Variants in DPH6 observed in about 807,000 individuals in gnomAD.
The protein encoded by DPH6 is diphthamine biosynthesis 6.
Under a neutral mutation model 38.2 loss-of-function variants are expected in DPH6, and 33 were observed. The observed-to-expected ratio is 0.86, with a 90% confidence interval of 0.65 to 1.15. The LOEUF (loss-of-function observed/expected upper bound fraction) is 1.15, where lower values mean the gene tolerates loss of function less well. DPH6 is among the 50% of genes most tolerant of loss of function. The pLI is 0.00. For missense variants in DPH6, 325 were observed against 320.0 expected (o/e 1.02, Z -0.12); for synonymous variants, 108 against 103.0 (o/e 1.05, Z -0.30).
intron 3 of DPH6, among the ~76,000 whole-genome samples, chr15:35,534,764 TG>T (rs558124440): frequency 4.9e-4 from 75 of 152,330 alleles, no homozygotes; most frequent in Non-Finnish European, 9.7e-4. Flanking sequence ...AAACAACTAG[TG>T]GAAGAACCAT....
chr15:35,496,445 C>T (rs1019795118), intron 3 of DPH6, among the ~76,000 whole-genome samples: 13 of 149,970 alleles, frequency 8.7e-5, no homozygotes, highest in African/African-American at 3.2e-4. Flanking sequence ...ATCCCAGCTA[C>T]TTGGGAGGTT....
chr15:35,389,272 A>C (rs1335937228), intron 6 of DPH6, among the ~76,000 whole-genome samples: 1 of 152,230 alleles, frequency 6.6e-6, no homozygotes, highest in Non-Finnish European at 1.5e-5. Context: ...TATGTGGTCA[A>C]TTTTGGAATA....
At chr15:35,207,823 G>C in the DPH6 span, among the ~76,000 whole-genome samples, 1 of 152,170 alleles carries the variant, frequency 6.6e-6, no homozygotes. Context: ...ACTGTAAGTA[G>C]TGCCTAACTT....
chr15:35,214,661 G>A (rs932298951), downstream of DPH6, among the ~76,000 whole-genome samples: 1 of 152,092 alleles, frequency 6.6e-6, no homozygotes, highest in Non-Finnish European at 1.5e-5. Context: ...AAGCTGGAGT[G>A]CAGCGGCACG....
At chr15:35,177,862 A>G in the DPH6 span, among the ~76,000 whole-genome samples, 1 of 152,048 alleles carries the variant, frequency 6.6e-6, no homozygotes, top group Admixed American at 6.6e-5. Context: ...GAATTGCTTG[A>G]ACCTGGGAGG....
At chr15:35,268,212 TAAATAAAA>T (rs1465672864) in intron 3 of DPH6, among the ~76,000 whole-genome samples, 64 of 128,394 alleles carry the variant, frequency 5.0e-4, no homozygotes, top group African/African-American at 1.8e-3. Flanking sequence ...AATAAATAAA[TAAATAAAA>T]GAAAACTGAA....
At chr15:35,222,066 G>A (rs1387474214) in intron 3 of DPH6, among the ~76,000 whole-genome samples, 1 of 152,058 alleles carries the variant, frequency 6.6e-6, no homozygotes, top group Non-Finnish European at 1.5e-5. Context: ...TCATTTCTGA[G>A]AGTTCATTAG....
chr15:35,529,952 G>T (rs1299620116), intron 3 of DPH6, among the ~76,000 whole-genome samples: 2 of 150,938 alleles, frequency 1.3e-5, no homozygotes, highest in Admixed American at 1.3e-4. Flanking sequence ...CATTTTTTTT[G>T]ACGATTTAAT....
chr15:35,304,564 T>A (rs867804137), intron 3 of DPH6, among the ~76,000 whole-genome samples: 33 of 152,068 alleles, frequency 2.2e-4, no homozygotes, highest in Admixed American at 5.9e-4. Flanking sequence ...TGGTAAAAAA[T>A]ATTTGAAATG....
intron 3 of DPH6, among the ~76,000 whole-genome samples, chr15:35,226,226 T>C (rs1000751435): frequency 6.6e-6 from 1 of 152,228 alleles, no homozygotes; most frequent in Non-Finnish European, 1.5e-5. Flanking sequence ...TTCTGCAATC[T>C]GGAACAGGCA....
chr15:35,366,959 G>C (rs1311270822), downstream of DPH6, among the ~76,000 whole-genome samples: 2 of 151,842 alleles, frequency 1.3e-5, no homozygotes, highest in Admixed American at 1.3e-4. Context: ...CTGGATTGAA[G>C]AGAAAAATAA....
At chr15:35,156,208 T>C in the DPH6 span, among the ~76,000 whole-genome samples, 13 of 152,218 alleles carry the variant, frequency 8.5e-5, no homozygotes, top group African/African-American at 3.1e-4. Context: ...TGAAGTTTTA[T>C]ATTTGTTTTT....
At chr15:35,287,686 TA>T (rs1033692417) in intron 3 of DPH6, among the ~76,000 whole-genome samples, 2 of 152,192 alleles carry the variant, frequency 1.3e-5, no homozygotes, top group Admixed American at 6.5e-5. Flanking sequence ...CACAAGTGAT[TA>T]TTTTTTTCAT....
chr15:35,278,200 C>T (rs1475437696), intron 3 of DPH6, among the ~76,000 whole-genome samples: 1 of 152,206 alleles, frequency 6.6e-6, no homozygotes, highest in Non-Finnish European at 1.5e-5. Flanking sequence ...GCCAAGGACA[C>T]TGCTGCCCTG....
the DPH6 span, among the ~76,000 whole-genome samples, chr15:35,173,212 C>T: frequency 6.6e-6 from 1 of 152,112 alleles, no homozygotes; most frequent in African/African-American, 2.4e-5. Context: ...ACCTTCCTTA[C>T]CAAACATATC....
chr15:35,431,652 T>C (rs2053633533), intron 5 of DPH6, among the ~76,000 whole-genome samples: 1 of 151,978 alleles, frequency 6.6e-6, no homozygotes, highest in African/African-American at 2.4e-5. Context: ...AAGGAATCCA[T>C]AAGAAAGAAA....
rs1416847164 is a variant in DPH6 at position 35,240,546 on chromosome 15, G to A, written n.201-19964C>T. 7.0e-5 allele frequency among the ~76,000 whole-genome samples: 10 copies of A among 143,270 alleles called. 2 individuals carry two copies. Among genetic ancestry groups the A allele is most frequent in the Non-Finnish European group, 1.5e-4 (10 of 65,490 alleles). The allele number at this position is 143,270 out of a possible 152,430, so 94.0% of individuals were successfully genotyped here. ...CGCCTCCCCTCCTCACACCTGGTCT[G>A]GCTTACAGTTTCATTCTGTGACTAG... On this transcript the variant is annotated intron_variant and non_coding_transcript_variant, in intron 3 of 3. Coordinates refer to the DPH6 transcript ENST00000560386.
intron 5 of DPH6, among the ~76,000 whole-genome samples, chr15:35,441,652 C>T (rs1023805469): frequency 2.0e-5 from 3 of 152,054 alleles, no homozygotes; most frequent in African/African-American, 7.2e-5. Flanking sequence ...ACACACCAGG[C>T]CCTGCTGGCG....
chr15:35,510,924 T>C (rs2054760703), intron 3 of DPH6, among the ~76,000 whole-genome samples: 1 of 152,208 alleles, frequency 6.6e-6, no homozygotes, highest in African/African-American at 2.4e-5. Flanking sequence ...TCCTTGTGGA[T>C]ACTGGACTCA....
Sources: allele counts gnomAD v4.1 joint callset (sites outside exome capture counted in the v4.1 genomes callset), GRCh38; gene constraint gnomAD v4.1.1; transcripts MANE v1.5; gene names NCBI Gene and HGNC (gene_info 2026-07-23, HGNC 2026-07-21).